DOCK3: variants seen among roughly 807,000 people sequenced by gnomAD.
DOCK3 encodes the protein dedicator of cytokinesis protein 3.
Under a neutral mutation model 265.6 loss-of-function variants are expected in DOCK3, and 60 were observed. The observed-to-expected ratio is 0.23, with a 90% confidence interval of 0.18 to 0.28. DOCK3 has a LOEUF of 0.28. Ranked by LOEUF, DOCK3 falls within the 10% of genes least tolerant of loss-of-function variation. The pLI is 1.00. For synonymous variants in DOCK3, 881 were observed against 938.0 expected (o/e 0.94, Z 1.11); for missense variants, 1,981 against 2,594.3 (o/e 0.76, Z 5.14).
chr3:50,744,311 C>A (rs976006153), intron 1 of DOCK3, among the ~76,000 whole-genome samples: 1 of 152,070 alleles, frequency 6.6e-6, no homozygotes, highest in African/African-American at 2.4e-5. Context: ...TTTGTTTGTG[C>A]TTTTGGTGTC....
At position 51,126,601 on chromosome 3, in the gene DOCK3, C is replaced by T. The variant is rs547687301; in HGVS notation, c.747-19948C>T. On this transcript the variant is annotated intron_variant, in intron 9 of 52. Transcript: ENST00000266037. The stretch of plus-strand genomic sequence containing the variant: ...ATGAACTGACTTAGCATTGTGCTGT[C>T]CTGTCATCAGAGCCTTGCCCCCATT... 7.9e-5 allele frequency among the ~76,000 whole-genome samples: 12 copies of T among 152,254 alleles called. No individual in the cohort carries two copies. In the South Asian group the frequency reaches 2.5e-3, roughly 32 times the overall value.
intron 1 of DOCK3, among the ~76,000 whole-genome samples, chr3:50,678,027 T>A (rs1226014204): frequency 6.6e-6 from 1 of 152,248 alleles, no homozygotes; most frequent in South Asian, 2.1e-4. Flanking sequence ...CTTAATGTTA[T>A]CATTATTACA....
chr3:51,046,929 C>T (rs1014032374), intron 5 of DOCK3, among the ~76,000 whole-genome samples: 2 of 151,962 alleles, frequency 1.3e-5, no homozygotes, highest in African/African-American at 4.8e-5. Flanking sequence ...AAACAACACT[C>T]TTGAATAGTT....
intron 1 of DOCK3, among the ~76,000 whole-genome samples, chr3:50,730,607 C>G (rs2038140146): frequency 6.6e-6 from 1 of 151,638 alleles, no homozygotes; most frequent in African/African-American, 2.4e-5. Flanking sequence ...GTGGGAGGGT[C>G]TCTTGAGGCC....
chr3:51,093,155 T>A (rs2082704225), intron 9 of DOCK3, among the ~76,000 whole-genome samples: 1 of 152,184 alleles, frequency 6.6e-6, no homozygotes, highest in South Asian at 2.1e-4. Context: ...TTGTCTTGGC[T>A]ATGCAGGCTC....
chr3:50,689,433 C>T (rs374468504), intron 1 of DOCK3, among the ~76,000 whole-genome samples: 2 of 152,062 alleles, frequency 1.3e-5, no homozygotes, highest in Non-Finnish European at 2.9e-5. Flanking sequence ...GGAGAAGTGC[C>T]AAGCAAAAGG....
chr3:50,937,335 TA>T (rs2051429014), intron 5 of DOCK3, among the ~76,000 whole-genome samples: 2 of 141,820 alleles, frequency 1.4e-5, no homozygotes, highest in Non-Finnish European at 3.1e-5. Flanking sequence ...TAAATTATAA[TA>T]GGGTAACTAC....
intron 1 of DOCK3, among the ~76,000 whole-genome samples, chr3:50,740,037 C>G (rs571118432): frequency 6.6e-6 from 1 of 152,198 alleles, no homozygotes; most frequent in South Asian, 2.1e-4. Flanking sequence ...TCCCCCATCT[C>G]CAAACAACTA....
intron 9 of DOCK3, among the ~76,000 whole-genome samples, chr3:51,109,985 A>G (rs2083444847): frequency 6.6e-6 from 1 of 152,034 alleles, no homozygotes; most frequent in Admixed American, 6.6e-5. Flanking sequence ...GAATATTACC[A>G]CTCACCGCAT....
intron 2 of DOCK3, among the ~76,000 whole-genome samples, chr3:50,791,258 C>CTTTTT (rs34015684): frequency 8.3e-4 from 52 of 62,792 alleles, no homozygotes; most frequent in Non-Finnish European, 9.6e-4. Context: ...TTAAATCTAT[C>CTTTTT]TTTTTTTTTT....
At chr3:51,308,120 C>T (rs2082804075) in intron 27 of DOCK3, among the ~76,000 whole-genome samples, 2 of 151,654 alleles carry the variant, frequency 1.3e-5, no homozygotes, top group South Asian at 4.2e-4. Context: ...TTTCATGATT[C>T]TACAGCAGCT....
At chr3:50,898,616 A>G (rs1559785700) in intron 4 of DOCK3, 1 of 152,202 alleles carries the variant, frequency 6.6e-6, no homozygotes, top group African/African-American at 2.4e-5. Flanking sequence ...TTGGGCATTT[A>G]GTGCTATAAA....
chr3:50,948,371 G>T (rs564924185), intron 5 of DOCK3, among the ~76,000 whole-genome samples: 1 of 137,808 alleles, frequency 7.3e-6, no homozygotes, highest in Non-Finnish European at 1.6e-5. Flanking sequence ...GATATTTTTT[G>T]TGTGTAGAAA....
intron 3 of DOCK3, among the ~76,000 whole-genome samples, chr3:50,842,104 AATC>A (rs1158712956): frequency 1.3e-5 from 2 of 152,210 alleles, no homozygotes; most frequent in African/African-American, 2.4e-5. Context: ...ATATTTCTCT[AATC>A]ATAATTTATT....
At chr3:50,957,280 A>T (rs1014612839) in intron 5 of DOCK3, among the ~76,000 whole-genome samples, 1 of 152,252 alleles carries the variant, frequency 6.6e-6, no homozygotes, top group Non-Finnish European at 1.5e-5. Context: ...AGAGGAAAAC[A>T]TTTAGAGCCA....
chr3:50,886,952 A>G (rs1340225403), intron 3 of DOCK3, among the ~76,000 whole-genome samples: 4 of 152,144 alleles, frequency 2.6e-5, no homozygotes, highest in African/African-American at 7.2e-5. Flanking sequence ...AATTAAAAGA[A>G]CTAGAAAAGC....
intron 1 of DOCK3, among the ~76,000 whole-genome samples, chr3:50,739,645 G>A (rs1262448970): frequency 6.6e-6 from 1 of 152,046 alleles, no homozygotes; most frequent in Non-Finnish European, 1.5e-5. Flanking sequence ...TTTGTTGAAT[G>A]GATCTCTACC....
At chr3:50,747,645 C>A (rs2108283151) in intron 1 of DOCK3, among the ~76,000 whole-genome samples, 1 of 152,268 alleles carries the variant, frequency 6.6e-6, no homozygotes, top group Non-Finnish European at 1.5e-5. Context: ...AGACGGATCA[C>A]TTGAGGTCAG....
Position 51,317,681 on chromosome 3 carries a change from T to G in DOCK3, c.3402+2553T>G, listed in dbSNP as rs58096213. Among the ~76,000 whole-genome samples the G allele has an allele frequency of 3.9e-3, 584 of 150,416 alleles. 6 individuals carry two copies. Among genetic ancestry groups the G allele is most frequent in the African/African-American group, 0.013 (554 of 41,158 alleles). On this transcript the variant is annotated intron_variant, in intron 32 of 52. Coordinates refer to ENST00000266037, the MANE Select transcript of DOCK3 (RefSeq NM_004947.5). ...TAAATGTTCTCATTGCAAAAAAAAATTAGGTGAGGTGACAGATATGTTAAT... is the reference window on the plus strand; with the variant it reads ...TAAATGTTCTCATTGCAAAAAAAAAGTAGGTGAGGTGACAGATATGTTAAT...
Sources: allele counts gnomAD v4.1 joint callset (sites outside exome capture counted in the v4.1 genomes callset), GRCh38; gene constraint gnomAD v4.1.1; transcripts MANE v1.5; gene names NCBI Gene and HGNC (gene_info 2026-07-23, HGNC 2026-07-21).